The following CDH12 variants were observed in gnomAD, a reference collection of about 807,000 sequenced individuals.
CDH12 encodes the protein cadherin 12, also known as cadherin-12.
CDH12 carries 41 observed loss-of-function variants against 74.1 expected under a neutral mutation model. The observed-to-expected ratio is 0.55, with a 90% CI of 0.43 to 0.72. CDH12 has a LOEUF of 0.72. Ranked by LOEUF, CDH12 falls within the 30% of genes least tolerant of loss-of-function variation. The pLI, the probability that CDH12 is intolerant of heterozygous loss-of-function variation, is 0.00. For synonymous variants in CDH12, 399 were observed against 355.0 expected (o/e 1.12, Z -1.39); for missense variants, 945 against 977.2 (o/e 0.97, Z 0.44).
intron 1 of CDH12, among the ~76,000 whole-genome samples, chr5:22,642,268 T>C (rs1179917703): frequency 1.3e-5 from 2 of 152,222 alleles, no homozygotes; most frequent in Non-Finnish European, 2.9e-5. Context: ...AGCTAAATTA[T>C]ATAGAGACAT....
At chr5:22,139,589 G>A (rs535911742) in intron 4 of CDH12, 6 of 144,816 alleles carry the variant, frequency 4.1e-5, no homozygotes, top group African/African-American at 1.0e-4. Flanking sequence ...CTCAATAGAC[G>A]TATCCTTCCT....
intron 5 of CDH12, among the ~76,000 whole-genome samples, chr5:22,028,919 G>C (rs1738593591): frequency 6.6e-6 from 1 of 152,092 alleles, no homozygotes; most frequent in Non-Finnish European, 1.5e-5. Context: ...CAGAGATATA[G>C]ATCAATGGAA....
At chr5:21,984,144 T>G (rs1204498475) in intron 5 of CDH12, among the ~76,000 whole-genome samples, 1 of 152,020 alleles carries the variant, frequency 6.6e-6, no homozygotes, top group African/African-American at 2.4e-5. Context: ...AAGTTTTGAG[T>G]TTTTGAGTTG....
chr5:21,954,921 C>T (rs1346213740), intron 6 of CDH12, among the ~76,000 whole-genome samples: 7 of 152,050 alleles, frequency 4.6e-5, no homozygotes, highest in East Asian at 1.9e-4. Context: ...GATAGATGAA[C>T]GTTGTGTGAG....
chr5:22,055,372 T>C (rs1740665417), intron 5 of CDH12, among the ~76,000 whole-genome samples: 1 of 152,168 alleles, frequency 6.6e-6, no homozygotes, highest in Non-Finnish European at 1.5e-5. Flanking sequence ...ATCTATACAA[T>C]TGAAGCCTAG....
chr5:22,086,358 T>A (rs1207859245), intron 4 of CDH12, among the ~76,000 whole-genome samples: 1 of 151,940 alleles, frequency 6.6e-6, no homozygotes, highest in East Asian at 1.9e-4. Flanking sequence ...TTATTATTAT[T>A]TTTTGAGACG....
chr5:22,666,283 T>C (rs13152910), intron 1 of CDH12, among the ~76,000 whole-genome samples: 15 of 49,456 alleles, frequency 3.0e-4, no homozygotes, highest in African/African-American at 2.1e-3. Flanking sequence ...TCTCTCTATC[T>C]TTTTTTTTTT....
chr5:22,548,518 CA>C (rs1315455551), intron 1 of CDH12, among the ~76,000 whole-genome samples: 1 of 151,692 alleles, frequency 6.6e-6, no homozygotes, highest in East Asian at 1.9e-4. Flanking sequence ...AAATGCCTAC[CA>C]AATAACATGA....
intron 3 of CDH12, among the ~76,000 whole-genome samples, chr5:22,345,119 G>C (rs1740055459): frequency 6.6e-6 from 1 of 152,156 alleles, no homozygotes; most frequent in Non-Finnish European, 1.5e-5. Flanking sequence ...GATTTGATGA[G>C]GACGGGGTAA....
In CDH12 at chr5:22,786,663, G is replaced by A. The variant is rs745375193; in HGVS notation, c.-523+66395C>T. Among the ~76,000 whole-genome samples, 130 of 152,140 alleles carry A rather than the reference G, an allele frequency of 8.5e-4. 2 individuals carry two copies. Among genetic ancestry groups the A allele is most frequent in the Non-Finnish European group, 6.6e-4 (45 of 67,982 alleles). On this transcript the variant is annotated intron_variant, in intron 1 of 14. Transcript: ENST00000382254. ...CTTCATTTGTGTAATGGGGAAGGGG[G>A]TTGAGGAGAATAGAGGAAGTCTATG...
intron 11 of CDH12, among the ~76,000 whole-genome samples, chr5:21,768,357 A>G (rs1013707434): frequency 2.0e-5 from 3 of 151,852 alleles, no homozygotes; most frequent in East Asian, 1.9e-4. Context: ...GTCAGATCCT[A>G]TAGCATTTTG....
At chr5:22,781,106 T>C (rs199899388) in intron 1 of CDH12, among the ~76,000 whole-genome samples, 58 of 152,338 alleles carry the variant, frequency 3.8e-4, no homozygotes, top group Non-Finnish European at 7.8e-4. Flanking sequence ...CCTTGAGTTG[T>C]TACATTTTTA....
At chr5:22,696,495 A>T (rs1742370756) in intron 1 of CDH12, among the ~76,000 whole-genome samples, 1 of 152,168 alleles carries the variant, frequency 6.6e-6, no homozygotes, top group African/African-American at 2.4e-5. Flanking sequence ...AATGGATATT[A>T]AATTCTGTCA....
intron 5 of CDH12, among the ~76,000 whole-genome samples, chr5:22,028,042 A>G (rs532771498): frequency 6.6e-6 from 1 of 152,174 alleles, no homozygotes; most frequent in South Asian, 2.1e-4. Flanking sequence ...TTCAAAGAAC[A>G]TCTTTATTTC....
intron 3 of CDH12, among the ~76,000 whole-genome samples, chr5:22,261,674 C>T (rs879775002): frequency 1.3e-5 from 2 of 151,304 alleles, no homozygotes; most frequent in African/African-American, 4.9e-5. Context: ...AGTATTCCCC[C>T]AAAATAATAA....
intron 14 of CDH12, among the ~76,000 whole-genome samples, chr5:21,754,497 G>A (rs1338929524): frequency 2.6e-5 from 4 of 152,078 alleles, no homozygotes; most frequent in Non-Finnish European, 5.9e-5. Context: ...AGGATATAAA[G>A]AATACTTTGC....
chr5:22,599,022 C>T (rs894325656), intron 1 of CDH12, among the ~76,000 whole-genome samples: 2 of 152,164 alleles, frequency 1.3e-5, no homozygotes, highest in African/African-American at 4.8e-5. Context: ...GCCTTATTAG[C>T]TCTCACTTGT....
chr5:22,008,396 A>C (rs527930557), intron 5 of CDH12, among the ~76,000 whole-genome samples: 80 of 152,008 alleles, frequency 5.3e-4, no homozygotes, highest in African/African-American at 1.9e-3. Flanking sequence ...CGCCTGGCTA[A>C]TTTTTGTATT....
chr5:22,227,249 A>G (rs1311414648), intron 3 of CDH12, among the ~76,000 whole-genome samples: 2 of 152,074 alleles, frequency 1.3e-5, no homozygotes, highest in Non-Finnish European at 2.9e-5. Flanking sequence ...CCATCTGGTA[A>G]GTGTTCTACC....
Sources: gnomAD v4.1 joint callset for allele counts (sites outside exome capture counted in the v4.1 genomes callset) on GRCh38, gnomAD v4.1.1 for gene constraint, MANE v1.5 for transcripts, NCBI Gene and HGNC (gene_info 2026-07-23, HGNC 2026-07-21) for gene names.